REPS1: variants seen among roughly 807,000 people sequenced by gnomAD.
REPS1 encodes ralBP1-associated Eps domain-containing protein 1.
In REPS1, 39 loss-of-function variants were observed where a neutral mutation model predicts 100.9. That is an observed-to-expected ratio of 0.39 (90% CI 0.30 to 0.50). REPS1 has a LOEUF of 0.50. Among genes scored for constraint, REPS1 ranks in the 20% least tolerant of loss-of-function variants. REPS1 has a pLI of 0.86. For synonymous variants in REPS1, 324 were observed against 340.3 expected (o/e 0.95, Z 0.53); for missense variants, 821 against 968.5 (o/e 0.85, Z 2.02).
chr6:138,939,937 C>T (rs1326987320), intron 8 of REPS1, among the ~76,000 whole-genome samples: 2 of 152,162 alleles, frequency 1.3e-5, no homozygotes, highest in Non-Finnish European at 2.9e-5. Flanking sequence ...CATATTTTTA[C>T]AATCAACCTA....
intron 1 of REPS1, among the ~76,000 whole-genome samples, chr6:138,955,142 A>T (rs1482645801): frequency 2.6e-5 from 4 of 152,126 alleles, no homozygotes; most frequent in African/African-American, 7.2e-5. Context: ...TAGAAATGGA[A>T]TATGCTTTAA....
chr6:138,930,508 T>C (rs1447659915), intron 8 of REPS1, among the ~76,000 whole-genome samples: 1 of 152,194 alleles, frequency 6.6e-6, no homozygotes, highest in African/African-American at 2.4e-5. Flanking sequence ...GGGGAAACAA[T>C]AATTCTCTGT....
At chr6:138,927,091 AC>A (rs1781187307) in intron 9 of REPS1, 1 of 152,160 alleles carries the variant, frequency 6.6e-6, no homozygotes, top group South Asian at 2.1e-4. Flanking sequence ...TAGCAAGTCA[AC>A]CCCTGCAATC....
intron 1 of REPS1, among the ~76,000 whole-genome samples, chr6:138,970,712 T>C (rs575113191): frequency 6.6e-6 from 1 of 152,196 alleles, no homozygotes; most frequent in Non-Finnish European, 1.5e-5. Context: ...TAAGCTCAGG[T>C]AACAGAGGTG....
At chr6:138,917,380 TTTTG>T (rs955280602) in intron 13 of REPS1, among the ~76,000 whole-genome samples, 171 bp downstream of exon 13, 10 of 152,242 alleles carry the variant, frequency 6.6e-5, no homozygotes, top group African/African-American at 2.4e-5. Flanking sequence ...TCAGGGTTCT[TTTTG>T]TTTTTCTATT....
chr6:138,961,289 T>A (rs1298837316), intron 1 of REPS1, among the ~76,000 whole-genome samples: 3 of 152,096 alleles, frequency 2.0e-5, no homozygotes, highest in African/African-American at 7.2e-5. Context: ...CAGGCTGGAG[T>A]GCAGTGGCAC....
intron 1 of REPS1, among the ~76,000 whole-genome samples, chr6:138,983,455 AAAAAATAAAAAT>A (rs146935853): frequency 1.3e-5 from 2 of 152,070 alleles, no homozygotes; most frequent in African/African-American, 2.4e-5. Context: ...AGACTGTCTC[AAAAAATAAAAAT>A]AAAAATAAAA....
At chr6:138,925,092 T>G (rs1303356582) in intron 10 of REPS1, among the ~76,000 whole-genome samples, 1 of 152,096 alleles carries the variant, frequency 6.6e-6, no homozygotes, top group Non-Finnish European at 1.5e-5. Flanking sequence ...ACACCTGTAA[T>G]CCCAGCACTT....
intron 1 of REPS1, among the ~76,000 whole-genome samples, chr6:138,983,506 GGT>G (rs1396372749): frequency 1.3e-5 from 2 of 151,982 alleles, no homozygotes; most frequent in Non-Finnish European, 2.9e-5. Context: ...CACTTCACAA[GGT>G]TGTTGCAAGA....
At chr6:138,955,806 C>G (rs1783347989) in intron 1 of REPS1, among the ~76,000 whole-genome samples, 1 of 152,092 alleles carries the variant, frequency 6.6e-6, no homozygotes, top group Admixed American at 6.5e-5. Flanking sequence ...GAGCAAGAAC[C>G]TAACTTTACT....
At chr6:138,980,265 G>A (rs753287631) in intron 1 of REPS1, among the ~76,000 whole-genome samples, 30 of 152,160 alleles carry the variant, frequency 2.0e-4, no homozygotes, top group Admixed American at 1.6e-3. Context: ...ATCCACTAGC[G>A]TATCTGCTTC....
chr6:138,941,068 C>T (rs1033521849), intron 8 of REPS1, among the ~76,000 whole-genome samples: 1 of 152,054 alleles, frequency 6.6e-6, no homozygotes. Context: ...AATAACAAGA[C>T]ACTGAAATGC....
chr6:138,970,454 T>A (rs1170274202), intron 1 of REPS1, among the ~76,000 whole-genome samples: 3 of 92,400 alleles, frequency 3.2e-5, no homozygotes, highest in East Asian at 5.2e-4. Flanking sequence ...TTTAAGAATA[T>A]CTTAAAAAAA....
In REPS1 at chr6:138,904,987, A is replaced by AT. The variant is rs746405002; in HGVS notation, c.*76_*77insA. Reference sequence around the variant, plus strand: ...TAATGTTGAGTTAAGCAGTGAGCTGAATGTCTAGGTCTCCAAATTGGCTTT... The same window carrying AT: ...TAATGTTGAGTTAAGCAGTGAGCTGATATGTCTAGGTCTCCAAATTGGCTTT... On this transcript the variant is annotated 3_prime_UTR_variant, in exon 20 of 20. Coordinates refer to ENST00000450536, the MANE Select transcript of REPS1 (RefSeq NM_001286611.2). 3.5e-6 allele frequency: 4 copies of AT among 1,136,108 alleles called. No individual in the cohort carries two copies. The South Asian group carries it at 5.1e-5, about 14-fold the overall frequency. The allele number at this position is 1,136,108 out of a possible 1,614,324, so 70.4% of individuals were successfully genotyped here.
At chr6:138,945,722 C>A in intron 2 of REPS1, 25 bp from the exon 3 acceptor site, 1 of 1,488,518 alleles carries the variant, frequency 6.7e-7, no homozygotes, top group Non-Finnish European at 9.0e-7. Context: ...ATAATCATTA[C>A]TTCAAAATAA....
At chr6:138,923,094 C>T (rs1392704082) in intron 10 of REPS1, among the ~76,000 whole-genome samples, 1 of 151,976 alleles carries the variant, frequency 6.6e-6, no homozygotes, top group Non-Finnish European at 1.5e-5. Context: ...ATTATAGTTA[C>T]AAATAATATT....
intron 1 of REPS1, among the ~76,000 whole-genome samples, chr6:138,972,332 G>T (rs1367520131): frequency 1.3e-5 from 2 of 152,128 alleles, no homozygotes; most frequent in Non-Finnish European, 2.9e-5. Context: ...GTGAGAAACA[G>T]AAAAACAGAT....
intron 2 of REPS1, among the ~76,000 whole-genome samples, chr6:138,947,205 A>G (rs937044700): frequency 6.6e-6 from 1 of 152,140 alleles, no homozygotes; most frequent in African/African-American, 2.4e-5. Flanking sequence ...ACCCAGTCTC[A>G]GGGATTTCTT....
intron 1 of REPS1, among the ~76,000 whole-genome samples, chr6:138,978,700 T>C (rs957275911): frequency 1.3e-5 from 2 of 152,170 alleles, no homozygotes; most frequent in Non-Finnish European, 2.9e-5. Flanking sequence ...CTAATGTGAA[T>C]GTATTTTTTT....
Sources: gnomAD v4.1 joint callset for allele counts (sites outside exome capture counted in the v4.1 genomes callset) on GRCh38, gnomAD v4.1.1 for gene constraint, MANE v1.5 for transcripts, NCBI Gene and HGNC (gene_info 2026-07-23, HGNC 2026-07-21) for gene names.